The following SLC31A1 variants were observed in gnomAD, a reference collection of about 807,000 sequenced individuals.
The protein encoded by SLC31A1 is solute carrier family 31 member 1.
SLC31A1 carries 5 observed loss-of-function variants against 17.2 expected under a neutral mutation model. The ratio of observed to expected loss-of-function variants is 0.29; its 90% CI spans 0.15 to 0.61. The LOEUF (loss-of-function observed/expected upper bound fraction) is 0.61, where lower values mean the gene tolerates loss of function less well. Ranked by LOEUF, SLC31A1 falls within the 20% of genes least tolerant of loss-of-function variation. The pLI is 0.86. For synonymous variants in SLC31A1, 76 were observed against 78.8 expected (o/e 0.96, Z 0.19); for missense variants, 161 against 241.4 (o/e 0.67, Z 2.21).
chr9:113,249,399 T>C (rs75656962), intron 1 of SLC31A1, among the ~76,000 whole-genome samples: 11,115 of 151,560 alleles, frequency 0.073, 696 homozygotes, highest in East Asian at 0.34. Context: ...GGAGTTTTGC[T>C]CTCATTGCCC....
intron 1 of SLC31A1, among the ~76,000 whole-genome samples, chr9:113,239,055 G>A (rs1254022434): frequency 1.3e-5 from 2 of 152,216 alleles, no homozygotes; most frequent in East Asian, 3.9e-4. Context: ...GATCCCTGTA[G>A]CAATCTCTAT....
In SLC31A1 at chr9:113,260,580, TACACACACAC is replaced by T. The variant is rs57266996; in HGVS notation, c.*130_*139del. 25 of 631,742 alleles carry T rather than the reference TACACACACAC, an allele frequency of 4.0e-5. No homozygotes were observed. The highest frequency in any genetic ancestry group is 4.0e-4 in the Middle Eastern group (1 of 2,500). The allele number at this position is 631,742 out of a possible 1,614,324, so 39.1% of individuals were successfully genotyped here. ...CCCTTCTTGCTCCTCTTTGTGCACG[TACACACACAC>T]ACACACACACACACACACACACCCC... On this transcript the variant is annotated 3_prime_UTR_variant, in exon 5 of 5. Transcript: ENST00000374212.
chr9:113,252,418 C>T (rs1409833943), intron 1 of SLC31A1, among the ~76,000 whole-genome samples: 1 of 152,132 alleles, frequency 6.6e-6, no homozygotes, highest in Non-Finnish European at 1.5e-5. Flanking sequence ...GCCTCAGCCT[C>T]CCAAGTAGCT....
intron 2 of SLC31A1, 126 bp from the exon 3 acceptor site, chr9:113,256,987 C>G (rs1228533070): frequency 6.2e-6 from 5 of 803,512 alleles, no homozygotes; most frequent in Non-Finnish European, 1.1e-5. Context: ...GCAAAAGCCT[C>G]CCACTCACGT....
Position 113,258,547 on chromosome 9 carries a change from T to C in SLC31A1, c.203-147T>C. 2 of 813,642 alleles carry C rather than the reference T, an allele frequency of 2.5e-6. No individual in the cohort carries two copies. The highest frequency in any genetic ancestry group is 2.1e-6 in the Non-Finnish European group (1 of 485,832). The allele number at this position is 813,642 out of a possible 1,614,324, so 50.4% of individuals were successfully genotyped here. A position where few individuals can be genotyped will look rare whatever the true frequency, so the allele number is the denominator to read the frequency against. ...AGTTACACCATCTTAGCCGTTCTCC[T>C]ATCTGAGCAAGAGAAGAGGTAAAAA... On this transcript the variant is annotated intron_variant, in intron 3 of 4. Coordinates refer to ENST00000374212, the MANE Select transcript of SLC31A1 (RefSeq NM_001859.4). This position sits in a 1 kb window ranked among gnomAD's most constrained non-coding sequence, Gnocchi z 4.8.
chr9:113,223,556 TTAAAG>T (rs1248396402), intron 1 of SLC31A1, among the ~76,000 whole-genome samples: 1 of 152,166 alleles, frequency 6.6e-6, no homozygotes, highest in African/African-American at 2.4e-5. Flanking sequence ...GATCTCAAGT[TTAAAG>T]TAAGCATTTT....
At chr9:113,256,575 A>C (rs550031381) in intron 2 of SLC31A1, 4 of 296,554 alleles carry the variant, frequency 1.3e-5, no homozygotes, top group African/African-American at 6.5e-5. Flanking sequence ...AAAAAGACAA[A>C]AGTTGGCCAG....
In SLC31A1 at chr9:113,258,629, C is replaced by T; in HGVS notation, c.203-65C>T. ...TTTTCTATGTGTCTTTCTAGCTGGA[C>T]AGCACATTGGCTAATGATTTTGCAC... On this transcript the variant is annotated intron_variant, in intron 3 of 4. Coordinates refer to ENST00000374212, the MANE Select transcript of SLC31A1 (RefSeq NM_001859.4). The surrounding 1 kb of genome is among the most constrained non-coding windows in gnomAD (Gnocchi z 4.8). 17 of 1,549,554 alleles carry T rather than the reference C, an allele frequency of 1.1e-5. No homozygotes were observed. The highest frequency in any genetic ancestry group is 1.5e-5 in the Non-Finnish European group (17 of 1,123,026).
chr9:113,242,435 C>A (rs941768355), intron 1 of SLC31A1, among the ~76,000 whole-genome samples: 4 of 152,158 alleles, frequency 2.6e-5, no homozygotes, highest in African/African-American at 4.8e-5. Flanking sequence ...CAGAGTCTTA[C>A]TCTTGCCCAG....
At chr9:113,235,058 C>T (rs182280300) in intron 1 of SLC31A1, among the ~76,000 whole-genome samples, 1 of 152,058 alleles carries the variant, frequency 6.6e-6, no homozygotes, top group Non-Finnish European at 1.5e-5. Context: ...AAAGGGAAGC[C>T]ACAGACTGGG....
At chr9:113,229,934 A>T (rs540311943) in intron 1 of SLC31A1, among the ~76,000 whole-genome samples, 1 of 152,220 alleles carries the variant, frequency 6.6e-6, no homozygotes, top group South Asian at 2.1e-4. Context: ...TTTCAGTATA[A>T]TACTATTCAA....
At chr9:113,234,121 T>TA (rs1446958505) in intron 1 of SLC31A1, among the ~76,000 whole-genome samples, 1 of 152,208 alleles carries the variant, frequency 6.6e-6, no homozygotes, top group Non-Finnish European at 1.5e-5. Flanking sequence ...GTGACTGTTC[T>TA]ACTCTCTACC....
In SLC31A1 at chr9:113,260,404, C is replaced by T. The variant is rs771286111; in HGVS notation, c.504C>T (p.Ala168=). Residue 168 remains alanine (A), a synonymous_variant, in exon 5 of 5, where the codon GCC becomes GCT. Coordinates refer to ENST00000374212, the MANE Select transcript of SLC31A1 (RefSeq NM_001859.4). ...GYLCIAVAAG[A]GTGYFLFSWK... ...TCTGCATTGCAGTAGCAGCAGGGGC[C>T]GGTACAGGATACTTCCTCTTCAGCT... 11 of 1,614,018 alleles carry T rather than the reference C, an allele frequency of 6.8e-6. No homozygotes were observed. The highest frequency in any genetic ancestry group is 1.6e-4 in the Middle Eastern group (1 of 6,084).
chr9:113,225,152 AG>A (rs1442830968), intron 1 of SLC31A1, among the ~76,000 whole-genome samples: 1 of 152,252 alleles, frequency 6.6e-6, no homozygotes, highest in African/African-American at 2.4e-5. Context: ...CACTTCACAG[AG>A]GGGGAACCAG....
chr9:113,245,294 G>A (rs939698618), intron 1 of SLC31A1, among the ~76,000 whole-genome samples: 3 of 152,062 alleles, frequency 2.0e-5, no homozygotes, highest in African/African-American at 7.2e-5. Context: ...CACCATGTTG[G>A]CCAGGCAGTT....
intron 1 of SLC31A1, among the ~76,000 whole-genome samples, chr9:113,239,448 T>C (rs1831498211): frequency 6.6e-6 from 1 of 152,238 alleles, no homozygotes; most frequent in Non-Finnish European, 1.5e-5. Context: ...CATAAGGATT[T>C]AATCTATAAA....
chr9:113,232,695 C>A (rs1831414083), intron 1 of SLC31A1, among the ~76,000 whole-genome samples: 1 of 126,994 alleles, frequency 7.9e-6, no homozygotes. Context: ...AAAAAAAAAA[C>A]TAGTCAGGTG....
intron 1 of SLC31A1, 199 bp from the exon 2 acceptor site, chr9:113,255,915 C>CAGGT: frequency 3.2e-6 from 1 of 311,648 alleles, no homozygotes; most frequent in Non-Finnish European, 5.9e-6. Context: ...AGGGAACCAC[C>CAGGT]AGGTTGCCTG....
intron 1 of SLC31A1, among the ~76,000 whole-genome samples, chr9:113,244,344 T>C (rs1831554538): frequency 1.3e-5 from 2 of 152,112 alleles, no homozygotes; most frequent in South Asian, 4.1e-4. Context: ...TCTCTGACAG[T>C]TGGTTACTTT....
Sources: gnomAD v4.1 joint callset for allele counts (sites outside exome capture counted in the v4.1 genomes callset) on GRCh38, gnomAD v4.1.1 for gene constraint, Gnocchi (gnomAD v3.1) non-coding constraint, MANE v1.5 for transcripts, NCBI Gene and HGNC (gene_info 2026-07-23, HGNC 2026-07-21) for gene names.